Variants in VTI1A observed in about 807,000 individuals in gnomAD.
VTI1A encodes vesicle transport through interaction with t-SNAREs homolog 1A.
In VTI1A, 22 loss-of-function variants were observed where a neutral mutation model predicts 34.9. The ratio of observed to expected loss-of-function variants is 0.63; its 90% CI spans 0.45 to 0.90. The LOEUF (loss-of-function observed/expected upper bound fraction) is 0.90, where lower values mean the gene tolerates loss of function less well. Ranked by LOEUF, VTI1A falls within the 40% of genes least tolerant of loss-of-function variation. VTI1A has a pLI of 0.00. For missense variants in VTI1A, 268 were observed against 275.6 expected, an observed-to-expected ratio of 0.97 and a Z score of 0.20; for synonymous variants, 87 against 97.3, an observed-to-expected ratio of 0.89 and a Z score of 0.62.
At chr10:112,489,241 C>T (rs984973314) in intron 3 of VTI1A, among the ~76,000 whole-genome samples, 3 of 152,190 alleles carry the variant, frequency 2.0e-5, no homozygotes, top group Admixed American at 1.3e-4. Flanking sequence ...AGATCTCTTC[C>T]AGCTCTAAAA....
In VTI1A at chr10:112,628,206, A is replaced by T. The variant is rs1242424751; in HGVS notation, c.428-40012A>T. 2.0e-5 allele frequency among the ~76,000 whole-genome samples: 3 copies of T among 152,200 alleles called. No homozygotes were observed. In the East Asian group the frequency reaches 5.8e-4, roughly 29 times the overall value. On this transcript the variant is annotated intron_variant, in intron 5 of 7. Coordinates refer to ENST00000393077, the MANE Select transcript of VTI1A (RefSeq NM_145206.4). ...TATTCCATAATGTGTCTGTATCATA[A>T]TGTAATCATTCACATGTTGCTGGAC...
At chr10:112,589,070 A>T (rs1270326222) in intron 5 of VTI1A, among the ~76,000 whole-genome samples, 1 of 135,956 alleles carries the variant, frequency 7.4e-6, no homozygotes, top group Non-Finnish European at 1.5e-5. Context: ...AATGTCGAAG[A>T]TGTTAGCTGG....
intron 7 of VTI1A, among the ~76,000 whole-genome samples, chr10:112,756,688 T>A (rs932150075): frequency 2.0e-5 from 3 of 152,158 alleles, no homozygotes; most frequent in African/African-American, 4.8e-5. Context: ...TTTCTCTCTA[T>A]TAGCCCCTAA....
the VTI1A span, among the ~76,000 whole-genome samples, chr10:112,837,050 T>C: frequency 6.6e-6 from 1 of 151,976 alleles, no homozygotes; most frequent in Non-Finnish European, 1.5e-5. Flanking sequence ...GGGCTGGAGG[T>C]GGTGGCCCAC....
At chr10:112,658,758 G>A (rs536079337) in intron 5 of VTI1A, among the ~76,000 whole-genome samples, 3 of 152,196 alleles carry the variant, frequency 2.0e-5, no homozygotes, top group African/African-American at 7.2e-5. Context: ...GTTCCAGCCT[G>A]TGTTTACCAA....
chr10:112,618,846 G>A (rs1321492039), intron 5 of VTI1A, among the ~76,000 whole-genome samples: 2 of 152,030 alleles, frequency 1.3e-5, no homozygotes, highest in African/African-American at 4.8e-5. Flanking sequence ...GTTGATTAAG[G>A]GGTAGTTCAG....
At chr10:112,829,341 G>A in the VTI1A span, among the ~76,000 whole-genome samples, 1 of 152,146 alleles carries the variant, frequency 6.6e-6, no homozygotes, top group Admixed American at 6.5e-5. Flanking sequence ...CTACTCGGGA[G>A]GCTGAGGCAG....
At chr10:112,495,432 T>G (rs536832100) in intron 3 of VTI1A, among the ~76,000 whole-genome samples, 1 of 152,122 alleles carries the variant, frequency 6.6e-6, no homozygotes, top group South Asian at 2.1e-4. Context: ...GTCCCAAGTT[T>G]CTATCTTGAA....
chr10:112,569,576 G>A (rs1315165316), intron 5 of VTI1A, among the ~76,000 whole-genome samples: 1 of 152,236 alleles, frequency 6.6e-6, no homozygotes, highest in African/African-American at 2.4e-5. Flanking sequence ...TGCCAAAGCA[G>A]TGCCATCTGT....
intron 7 of VTI1A, among the ~76,000 whole-genome samples, chr10:112,811,201 C>T (rs1853277686): frequency 6.6e-6 from 1 of 152,236 alleles, no homozygotes; most frequent in Admixed American, 6.5e-5. Flanking sequence ...CTGCAGGATC[C>T]AGGCAGAAGA....
At chr10:112,668,176 A>T (rs771582758) in intron 5 of VTI1A, 42 bp from the exon 6 acceptor site, 7 of 1,558,830 alleles carry the variant, frequency 4.5e-6, no homozygotes, top group Non-Finnish European at 5.3e-6. Flanking sequence ...TCTCATATGC[A>T]CTCCAAGTCA....
intron 7 of VTI1A, among the ~76,000 whole-genome samples, chr10:112,731,430 C>G (rs1208221506): frequency 6.6e-6 from 1 of 152,092 alleles, no homozygotes; most frequent in East Asian, 1.9e-4. Flanking sequence ...AAAAAATTAG[C>G]CAGGCATGGT....
intron 5 of VTI1A, among the ~76,000 whole-genome samples, chr10:112,618,552 A>C (rs1181542399): frequency 9.1e-5 from 3 of 33,140 alleles, no homozygotes; most frequent in Non-Finnish European, 2.0e-4. Flanking sequence ...GAGAGAGTAA[A>C]TGTCAAAAGG....
At chr10:112,543,371 T>C (rs1589882580) in intron 5 of VTI1A, among the ~76,000 whole-genome samples, 1 of 152,210 alleles carries the variant, frequency 6.6e-6, no homozygotes, top group African/African-American at 2.4e-5. Context: ...ATCGCCATTC[T>C]AACTGGTGTG....
At chr10:112,677,066 T>A (rs942685703) in intron 7 of VTI1A, among the ~76,000 whole-genome samples, 8 of 152,192 alleles carry the variant, frequency 5.3e-5, no homozygotes, top group African/African-American at 1.7e-4. Context: ...GGATTGGTTC[T>A]GGTTAGGTAA....
intron 2 of VTI1A, among the ~76,000 whole-genome samples, chr10:112,463,541 A>G (rs1332738968): frequency 2.0e-5 from 3 of 152,068 alleles, no homozygotes; most frequent in Admixed American, 1.3e-4. Flanking sequence ...TTCAAAGCCT[A>G]TGCCTAAACC....
chr10:112,456,773 C>CA (rs1308509269), intron 1 of VTI1A, among the ~76,000 whole-genome samples: 1 of 152,142 alleles, frequency 6.6e-6, no homozygotes, highest in Non-Finnish European at 1.5e-5. Context: ...TAAGCAAGGA[C>CA]ATTTATAGAA....
chr10:112,814,394 G>A (rs1210365416), intron 7 of VTI1A, among the ~76,000 whole-genome samples: 3 of 152,176 alleles, frequency 2.0e-5, no homozygotes, highest in Admixed American at 6.5e-5. Context: ...GAGAGCGAGC[G>A]TGGGCACGGC....
intron 4 of VTI1A, among the ~76,000 whole-genome samples, chr10:112,532,902 G>A (rs138346060): frequency 5.3e-5 from 8 of 152,128 alleles, no homozygotes; most frequent in East Asian, 3.9e-4. Flanking sequence ...TCATATGATC[G>A]TGAATTTTTG....
Sources: gnomAD v4.1 joint callset for allele counts (sites outside exome capture counted in the v4.1 genomes callset) on GRCh38, gnomAD v4.1.1 for gene constraint, MANE v1.5 for transcripts, NCBI Gene and HGNC (gene_info 2026-07-23, HGNC 2026-07-21) for gene names.